LEPROTL1: variants seen among roughly 807,000 people sequenced by gnomAD.
LEPROTL1 encodes leptin receptor overlapping transcript like 1.
In LEPROTL1, 6 loss-of-function variants were observed where a neutral mutation model predicts 15.4. The ratio of observed to expected loss-of-function variants is 0.39; its 90% CI spans 0.21 to 0.77. The LOEUF (loss-of-function observed/expected upper bound fraction) is 0.77, where lower values mean the gene tolerates loss of function less well. Among genes scored for constraint, LEPROTL1 ranks in the 30% least tolerant of loss-of-function variants. The pLI is 0.41. For missense variants in LEPROTL1, 128 were observed against 158.1 expected (o/e 0.81, Z 1.02); for synonymous variants, 56 against 52.6 (o/e 1.06, Z -0.28).
Position 30,095,468 on chromosome 8 carries a change from G to T in LEPROTL1, c.-45G>T, listed in dbSNP as rs1176507507. On this transcript the variant is annotated 5_prime_UTR_variant, in exon 1 of 4. Transcript: ENST00000321250. Reference sequence around the variant, plus strand: ...CTTGGGTCTCCCGGCTGCCGCTGCTGCCGCCGCCGCCTCGGGTCGTGGAGC... The same window carrying T: ...CTTGGGTCTCCCGGCTGCCGCTGCTTCCGCCGCCGCCTCGGGTCGTGGAGC... The T allele has an allele frequency of 2.7e-6, 4 of 1,462,392 alleles. No individual in the cohort carries two copies. In the East Asian group the frequency reaches 1.2e-4, roughly 45 times the overall value. The allele number at this position is 1,462,392 out of a possible 1,614,324, so 90.6% of individuals were successfully genotyped here. A position where few individuals can be genotyped will look rare whatever the true frequency, so the allele number is the denominator to read the frequency against.
chr8:30,114,927 C>G (rs945790214), intron 3 of LEPROTL1, among the ~76,000 whole-genome samples: 3 of 152,152 alleles, frequency 2.0e-5, no homozygotes, highest in Non-Finnish European at 4.4e-5. Context: ...ATTGCCGGAG[C>G]AAGTCACACA....
downstream of LEPROTL1, among the ~76,000 whole-genome samples, chr8:30,110,416 AT>A (rs1375145800): frequency 3.3e-5 from 5 of 151,512 alleles, no homozygotes; most frequent in East Asian, 1.9e-4. Context: ...AGAATCAGGA[AT>A]TTTTTTTTAC....
intron 4 of LEPROTL1, among the ~76,000 whole-genome samples, chr8:30,133,244 G>A (rs1803066811): frequency 6.6e-6 from 1 of 152,090 alleles, no homozygotes; most frequent in Non-Finnish European, 1.5e-5. Flanking sequence ...GTATACAGTG[G>A]AGCTTAAGTC....
At chr8:30,127,593 C>T (rs1802923489) in intron 3 of LEPROTL1, among the ~76,000 whole-genome samples, 1 of 151,004 alleles carries the variant, frequency 6.6e-6, no homozygotes, top group Non-Finnish European at 1.5e-5. Context: ...CGCTTGAGCC[C>T]AGGAGTTCAA....
At chr8:30,112,770 G>C (rs1016432174), downstream of LEPROTL1, among the ~76,000 whole-genome samples, 6 of 152,058 alleles carry the variant, frequency 3.9e-5, no homozygotes, top group East Asian at 1.2e-3. Context: ...AAAGTGGTGA[G>C]ATTTAAATGT....
At chr8:30,113,461 C>A (rs1398469506), downstream of LEPROTL1, among the ~76,000 whole-genome samples, 1 of 152,120 alleles carries the variant, frequency 6.6e-6, no homozygotes, top group Admixed American at 6.5e-5. Context: ...AAAGTTGGGA[C>A]CCCTGCCAAA....
intron 3 of LEPROTL1, among the ~76,000 whole-genome samples, chr8:30,129,390 T>A (rs985068919): frequency 2.0e-5 from 3 of 152,160 alleles, no homozygotes; most frequent in Non-Finnish European, 2.9e-5. Context: ...AGTGTATTAG[T>A]CTGTTCTCGT....
intron 4 of LEPROTL1, among the ~76,000 whole-genome samples, chr8:30,136,761 C>T (rs1803155565): frequency 6.6e-6 from 1 of 151,112 alleles, no homozygotes; most frequent in Non-Finnish European, 1.5e-5. Flanking sequence ...CAGTGTCTCC[C>T]TCTGTCACCC....
At chr8:30,111,170 T>C (rs1416428653), downstream of LEPROTL1, among the ~76,000 whole-genome samples, 1 of 152,212 alleles carries the variant, frequency 6.6e-6, no homozygotes, top group African/African-American at 2.4e-5. Flanking sequence ...AGGGTCTAAA[T>C]CATCAACTTC....
chr8:30,133,089 TA>T (rs1210457829), intron 4 of LEPROTL1, among the ~76,000 whole-genome samples: 1 of 152,190 alleles, frequency 6.6e-6, no homozygotes, highest in Non-Finnish European at 1.5e-5. Context: ...CTTATTTATT[TA>T]TTTTTTTATA....
intron 1 of LEPROTL1, 149 bp downstream of exon 1, chr8:30,095,677 G>A (rs1379750497): frequency 1.3e-6 from 1 of 747,114 alleles, no homozygotes; most frequent in Non-Finnish European, 2.1e-6. Context: ...CCGGCCCTGC[G>A]CTTGGCCCGG....
chr8:30,114,276 T>TTTTTGTTTTGTTTTG lies in LEPROTL1; in HGVS notation c.279+9800_279+9814dup, dbSNP rs3049944. On this transcript the variant is annotated intron_variant, in intron 3 of 4. Transcript: ENST00000442880. ...AGAATGACACATCTTACATGATATT[T>TTTTTGTTTTGTTTTG]TTTTGTTTTGTTTTGTTTTGTTTTA... 3.2e-3 allele frequency among the ~76,000 whole-genome samples: 472 copies of TTTTTGTTTTGTTTTG among 149,548 alleles called. 1 individual carries two copies. Among genetic ancestry groups the TTTTTGTTTTGTTTTG allele is most frequent in the East Asian group, 7.2e-3 (36 of 5,026 alleles).
At chr8:30,113,460 A>C (rs188046488), downstream of LEPROTL1, among the ~76,000 whole-genome samples, 162 of 152,146 alleles carry the variant, frequency 1.1e-3, no homozygotes, top group Non-Finnish European at 1.9e-3. Flanking sequence ...AAAAGTTGGG[A>C]CCCCTGCCAA....
intron 3 of LEPROTL1, among the ~76,000 whole-genome samples, chr8:30,131,355 A>G (rs78529371): frequency 0.017 from 2,601 of 149,924 alleles, 73 homozygotes; most frequent in African/African-American, 0.06. Flanking sequence ...AAGTCTTGCT[A>G]TGTTGCCCAA....
intron 3 of LEPROTL1, among the ~76,000 whole-genome samples, chr8:30,117,079 C>T (rs1351463486): frequency 6.6e-6 from 1 of 152,060 alleles, no homozygotes; most frequent in Non-Finnish European, 1.5e-5. Context: ...TTCCCCTTTA[C>T]ACCTTCAAAA....
chr8:30,123,243 G>A lies in LEPROTL1; in HGVS notation c.280-9132G>A, dbSNP rs562281210. 2.6e-5 allele frequency among the ~76,000 whole-genome samples: 4 copies of A among 152,260 alleles called. No homozygotes were observed. The South Asian group carries it at 8.3e-4, about 32-fold the overall frequency. On this transcript the variant is annotated intron_variant, in intron 3 of 4. Coordinates refer to the LEPROTL1 transcript ENST00000442880. ...TTTTATGACCTACCTTAGAAGTCAC[G>A]AAGCATCACTTCTGCCATACTCTAG...
At chr8:30,130,078 A>G (rs180828047) in intron 3 of LEPROTL1, among the ~76,000 whole-genome samples, 27 of 152,328 alleles carry the variant, frequency 1.8e-4, no homozygotes, top group Non-Finnish European at 4.4e-5. Context: ...ACAATTCAAC[A>G]TGAGACCCAA....
At chr8:30,130,119 C>T (rs529359360) in intron 3 of LEPROTL1, among the ~76,000 whole-genome samples, 2 of 152,260 alleles carry the variant, frequency 1.3e-5, no homozygotes, top group South Asian at 2.1e-4. Context: ...TGCAATTTTA[C>T]ATTTTGAAAA....
At chr8:30,132,062 C>T in intron 3 of LEPROTL1, 1 of 1,551,800 alleles carries the variant, frequency 6.4e-7, no homozygotes. Flanking sequence ...CTGACCTCCA[C>T]AGCCAGCATG....
Sources: gnomAD v4.1 joint callset for allele counts (sites outside exome capture counted in the v4.1 genomes callset) on GRCh38, gnomAD v4.1.1 for gene constraint, MANE v1.5 for transcripts, NCBI Gene and HGNC (gene_info 2026-07-23, HGNC 2026-07-21) for gene names.